The following ADGRL2 variants were observed in gnomAD, a reference collection of about 807,000 sequenced individuals.
ADGRL2 encodes the protein adhesion G protein-coupled receptor L2.
ADGRL2 carries 44 observed loss-of-function variants against 157.4 expected under a neutral mutation model. That is an observed-to-expected ratio of 0.28 (90% CI 0.22 to 0.36). The LOEUF is 0.36. Ranked by LOEUF, ADGRL2 falls within the 10% of genes least tolerant of loss-of-function variation. The pLI, the probability that ADGRL2 is intolerant of heterozygous loss-of-function variation, is 1.00. For missense variants in ADGRL2, 1,510 were observed against 1,768.9 expected (o/e 0.85, Z 2.63); for synonymous variants, 585 against 624.7 (o/e 0.94, Z 0.95).
chr1:81,643,696 T>G (rs2082263376), intron 3 of ADGRL2, among the ~76,000 whole-genome samples: 1 of 152,132 alleles, frequency 6.6e-6, no homozygotes, highest in South Asian at 2.1e-4. Flanking sequence ...TAACAGAATA[T>G]GTACAAGATC....
intron 11 of ADGRL2, among the ~76,000 whole-genome samples, chr1:81,958,358 T>G (rs1654272312): frequency 6.6e-6 from 1 of 152,136 alleles, no homozygotes; most frequent in Non-Finnish European, 1.5e-5. Flanking sequence ...CCTGATTTAC[T>G]GTGAGGGAAA....
chr1:81,824,823 A>G (rs1018405709), intron 1 of ADGRL2, among the ~76,000 whole-genome samples: 1 of 152,196 alleles, frequency 6.6e-6, no homozygotes, highest in Non-Finnish European at 1.5e-5. Flanking sequence ...ATCTTGAGTA[A>G]AAGTCAGTTT....
rs148635708 is a variant in ADGRL2 at position 81,347,478 on chromosome 1, T to C, written c.-302+40969T>C. ...GAAACCAGAGAAAAGATGATACTTA[T>C]AAAATACGAAGGAGCTGGACTGAAT... On this transcript the variant is annotated intron_variant, in intron 1 of 24. Transcript: ENST00000370721. Among the ~76,000 whole-genome samples the C allele has an allele frequency of 5.1e-4, 78 of 152,302 alleles. 1 individual carries two copies. The East Asian group carries it at 0.014, about 27-fold the overall frequency.
intron 2 of ADGRL2, among the ~76,000 whole-genome samples, chr1:81,495,446 G>A (rs1424154043): frequency 2.0e-5 from 3 of 152,162 alleles, no homozygotes; most frequent in African/African-American, 7.2e-5. Context: ...AGTACCTAAT[G>A]TTTCACATTT....
At chr1:81,606,059 C>G (rs2081426160) in intron 3 of ADGRL2, among the ~76,000 whole-genome samples, 1 of 152,198 alleles carries the variant, frequency 6.6e-6, no homozygotes, top group Non-Finnish European at 1.5e-5. Context: ...TCTTAACTCC[C>G]CCCATTCAAT....
chr1:81,721,615 C>G, intron 1 of ADGRL2: 1 of 620,192 alleles, frequency 1.6e-6, no homozygotes, highest in East Asian at 2.8e-5. Flanking sequence ...AAAATTGCTT[C>G]TGTGCGGTCA....
At chr1:81,410,276 G>A (rs980081704) in intron 1 of ADGRL2, among the ~76,000 whole-genome samples, 2 of 152,210 alleles carry the variant, frequency 1.3e-5, no homozygotes, top group Non-Finnish European at 2.9e-5. Context: ...AGTTAACAGA[G>A]AAGGGAAATT....
chr1:81,696,551 G>C (rs1335767227), upstream of ADGRL2, among the ~76,000 whole-genome samples: 1 of 152,062 alleles, frequency 6.6e-6, no homozygotes, highest in East Asian at 1.9e-4. Context: ...AGGAGATAGA[G>C]ATCATCCTGG....
chr1:81,617,955 C>T (rs886136424), intron 3 of ADGRL2, among the ~76,000 whole-genome samples: 1 of 152,182 alleles, frequency 6.6e-6, no homozygotes, highest in Non-Finnish European at 1.5e-5. Flanking sequence ...CAGGGCATAA[C>T]CTTAGATGGC....
At chr1:81,345,708 T>C (rs531560971) in intron 1 of ADGRL2, among the ~76,000 whole-genome samples, 43 of 151,842 alleles carry the variant, frequency 2.8e-4, no homozygotes, top group African/African-American at 1.0e-3. Context: ...TGTGAAAGAA[T>C]GAGAGAAAAA....
At chr1:81,748,477 AAAAAAAAAAAAAAAG>A (rs1402612359) in intron 1 of ADGRL2, among the ~76,000 whole-genome samples, 1 of 150,622 alleles carries the variant, frequency 6.6e-6, no homozygotes, top group Non-Finnish European at 1.5e-5. Flanking sequence ...CAAAAAAAAA[AAAAAAAAAAAAAAAG>A]AAAGAAAGAA....
intron 2 of ADGRL2, among the ~76,000 whole-genome samples, chr1:81,570,907 G>T (rs1207362270): frequency 6.6e-6 from 1 of 152,114 alleles, no homozygotes; most frequent in Non-Finnish European, 1.5e-5. Context: ...AAATATTTCA[G>T]CTGCACACCA....
Position 81,943,077 on chromosome 1 carries a change from A to G in ADGRL2, c.518A>G (p.Lys173Arg). ...WCKDPLQAAD[K>R]IYFMPWTPYR... ...AAGGACCCTCTTCAGGCTGCAGATA[A>G]AATTTATTTCATGCCCTGGACTCCC... Residue 173 changes from lysine to arginine, a missense_variant, in exon 6 of 24, where the codon AAA becomes AGA. Coordinates refer to ENST00000686636, the MANE Select transcript of ADGRL2 (RefSeq NM_001366006.2). The surrounding 1 kb of genome is among the most constrained non-coding windows in gnomAD (Gnocchi z 5.6). 6.2e-7 allele frequency: 1 copy of G among 1,613,468 alleles called. No homozygotes were observed. Among genetic ancestry groups the G allele is most frequent in the Non-Finnish European group, 8.5e-7 (1 of 1,179,574 alleles).
intron 2 of ADGRL2, among the ~76,000 whole-genome samples, chr1:81,531,142 G>A (rs1048576879): frequency 1.3e-5 from 2 of 151,944 alleles, no homozygotes; most frequent in African/African-American, 4.8e-5. Flanking sequence ...TGCATGCCTG[G>A]TATGCAATAA....
chr1:81,363,800 T>A (rs1384637186), intron 1 of ADGRL2, among the ~76,000 whole-genome samples: 1 of 152,110 alleles, frequency 6.6e-6, no homozygotes, highest in Non-Finnish European at 1.5e-5. Flanking sequence ...ATAATCTCAT[T>A]GGGAGACAAA....
At chr1:81,329,743 G>C (rs907708818) in intron 1 of ADGRL2, among the ~76,000 whole-genome samples, 4 of 152,230 alleles carry the variant, frequency 2.6e-5, no homozygotes, top group African/African-American at 9.6e-5. Flanking sequence ...GAAACTTTGA[G>C]ATGATAGGCA....
intron 1 of ADGRL2, among the ~76,000 whole-genome samples, chr1:81,436,954 T>C (rs2077420863): frequency 6.6e-6 from 1 of 152,254 alleles, no homozygotes; most frequent in Non-Finnish European, 1.5e-5. Context: ...AGAATGTCTA[T>C]AATTCCACTC....
chr1:81,525,207 C>T (rs564207849), intron 2 of ADGRL2, among the ~76,000 whole-genome samples: 3 of 152,096 alleles, frequency 2.0e-5, no homozygotes, highest in Admixed American at 6.5e-5. Context: ...GGGAGAGTGG[C>T]TCACCTCTCT....
At chr1:81,588,184 G>T (rs1477979328) in intron 3 of ADGRL2, 1 of 152,140 alleles carries the variant, frequency 6.6e-6, no homozygotes, top group Non-Finnish European at 1.5e-5. Flanking sequence ...GTACCACAGA[G>T]TTAGCTCCTC....
Sources: gnomAD v4.1 joint callset for allele counts (sites outside exome capture counted in the v4.1 genomes callset) on GRCh38, gnomAD v4.1.1 for gene constraint, Gnocchi (gnomAD v3.1) non-coding constraint, MANE v1.5 for transcripts, NCBI Gene and HGNC (gene_info 2026-07-23, HGNC 2026-07-21) for gene names.